ARB2A: variants seen among roughly 807,000 people sequenced by gnomAD.
ARB2A encodes cotranscriptional regulator ARB2A.
At chr5:93,843,811 C>A in the ARB2A span, among the ~76,000 whole-genome samples, 201 of 151,912 alleles carry the variant, frequency 1.3e-3, no homozygotes, top group Non-Finnish European at 2.4e-3. Context: ...AGTAATAAAC[C>A]AGGTAAGTCT....
At chr5:94,066,584 A>G in the ARB2A span, among the ~76,000 whole-genome samples, 1 of 152,146 alleles carries the variant, frequency 6.6e-6, no homozygotes, top group Non-Finnish European at 1.5e-5. Context: ...TGGAAAACCT[A>G]CAGGAAGTGA....
the ARB2A span, among the ~76,000 whole-genome samples, chr5:93,730,111 T>G: frequency 6.6e-6 from 1 of 152,176 alleles, no homozygotes; most frequent in South Asian, 2.1e-4. Flanking sequence ...CAATTTTTTA[T>G]GGAGCATGCC....
At chr5:93,768,480 T>TAC in the ARB2A span, among the ~76,000 whole-genome samples, 2 of 150,188 alleles carry the variant, frequency 1.3e-5, no homozygotes, top group South Asian at 2.1e-4. Flanking sequence ...TATATATATA[T>TAC]GTATATAAAA....
chr5:93,621,279 C>A, the ARB2A span: 3 of 626,276 alleles, frequency 4.8e-6, no homozygotes, highest in Non-Finnish European at 6.4e-6. Context: ...GCCGCCCGCG[C>A]CCCGCCCCTC....
At chr5:93,918,898 T>C in the ARB2A span, among the ~76,000 whole-genome samples, 1 of 152,194 alleles carries the variant, frequency 6.6e-6, no homozygotes, top group African/African-American at 2.4e-5. Context: ...AATACACTTA[T>C]TCCCTCGTCA....
chr5:93,812,904 T>A, the ARB2A span, among the ~76,000 whole-genome samples: 1 of 152,116 alleles, frequency 6.6e-6, no homozygotes, highest in Non-Finnish European at 1.5e-5. Flanking sequence ...TAGGAGGTAA[T>A]TAGATTTAGA....
At chr5:93,855,325 A>T in the ARB2A span, among the ~76,000 whole-genome samples, 1 of 151,926 alleles carries the variant, frequency 6.6e-6, no homozygotes, top group Non-Finnish European at 1.5e-5. Flanking sequence ...ATCTTCCTCC[A>T]TCCTTTTATT....
the ARB2A span, chr5:93,739,410 T>C: frequency 6.6e-6 from 1 of 152,160 alleles, no homozygotes; most frequent in Non-Finnish European, 1.5e-5. Flanking sequence ...AAGCTTATAC[T>C]TTGAAAATAC....
the ARB2A span, among the ~76,000 whole-genome samples, chr5:94,020,243 G>C: frequency 2.8e-5 from 4 of 145,390 alleles, no homozygotes; most frequent in African/African-American, 8.3e-5. Flanking sequence ...GACACGGGGC[G>C]GGGGGGGTAA....
At chr5:93,824,125 C>G in the ARB2A span, 196 of 1,544,354 alleles carry the variant, frequency 1.3e-4, no homozygotes, top group Non-Finnish European at 1.4e-4. Flanking sequence ...ACTGGAACTA[C>G]AGAGAGTAAA....
At chr5:94,030,986 C>T in the ARB2A span, among the ~76,000 whole-genome samples, 1 of 152,292 alleles carries the variant, frequency 6.6e-6, no homozygotes, top group African/African-American at 2.4e-5. Context: ...ACCTCCCAGT[C>T]TCCAGAATTG....
chr5:94,026,919 A>G, the ARB2A span, among the ~76,000 whole-genome samples: 11 of 152,326 alleles, frequency 7.2e-5, 1 homozygote, highest in East Asian at 2.1e-3. Context: ...AAGTCAGACA[A>G]AAGAGGATTC....
chr5:93,665,411 T>C, the ARB2A span, among the ~76,000 whole-genome samples: 2 of 152,126 alleles, frequency 1.3e-5, no homozygotes, highest in East Asian at 3.9e-4. Flanking sequence ...TCTACCTTAA[T>C]TGATAGGATT....
chr5:93,820,645 G>A, the ARB2A span, among the ~76,000 whole-genome samples: 1 of 152,130 alleles, frequency 6.6e-6, no homozygotes, highest in Non-Finnish European at 1.5e-5. Flanking sequence ...CTTTGTAAAT[G>A]ATGGTTTAAT....
At chr5:93,635,060 C>T in the ARB2A span, among the ~76,000 whole-genome samples, 4 of 152,032 alleles carry the variant, frequency 2.6e-5, no homozygotes, top group African/African-American at 7.2e-5. Context: ...AGGCATGAGC[C>T]ACCGCACCTG....
At chr5:93,621,388 A>C in the ARB2A span, among the ~76,000 whole-genome samples, 2 of 152,246 alleles carry the variant, frequency 1.3e-5, no homozygotes, top group South Asian at 4.1e-4. Context: ...AGGAACTCAG[A>C]CTTCGCTATC....
chr5:93,991,018 T>A, the ARB2A span, among the ~76,000 whole-genome samples: 1 of 152,154 alleles, frequency 6.6e-6, no homozygotes, highest in Non-Finnish European at 1.5e-5. Context: ...AAAGTCTCCC[T>A]AAGAGTTCCT....
At chr5:94,037,248 A>G in the ARB2A span, among the ~76,000 whole-genome samples, 1 of 152,168 alleles carries the variant, frequency 6.6e-6, no homozygotes, top group South Asian at 2.1e-4. Flanking sequence ...TAAAATATCT[A>G]CTTAGTAATA....
At chr5:93,809,553 T>G in the ARB2A span, among the ~76,000 whole-genome samples, 6 of 152,034 alleles carry the variant, frequency 3.9e-5, no homozygotes, top group Non-Finnish European at 7.4e-5. Context: ...CATTTGATCC[T>G]CTTAGACTCA....
Sources: allele counts gnomAD v4.1 joint callset (sites outside exome capture counted in the v4.1 genomes callset), GRCh38; gene constraint gnomAD v4.1.1; transcripts MANE v1.5; gene names NCBI Gene and HGNC (gene_info 2026-07-23, HGNC 2026-07-21).